ZP4: variants seen among roughly 807,000 people sequenced by gnomAD.
ZP4 encodes the protein zona pellucida sperm-binding protein 4.
Under a neutral mutation model 62.3 loss-of-function variants are expected in ZP4, and 62 were observed. The observed-to-expected ratio is 0.99, with a 90% CI of 0.81 to 1.23. ZP4 has a LOEUF of 1.23. Among genes scored for constraint, ZP4 ranks in the 50% most tolerant of loss-of-function variants. The probability of loss-of-function intolerance (pLI) is 0.00; values close to 1 mark genes in which losing one functional copy is unlikely to be tolerated. For synonymous variants in ZP4, 289 were observed against 247.3 expected (o/e 1.17, Z -1.58); for missense variants, 774 against 656.0 (o/e 1.18, Z -1.97).
chr1:237,886,914 T>G, intron 5 of ZP4, 46 bp from the exon 6 acceptor site: 2 of 1,547,768 alleles, frequency 1.3e-6, no homozygotes, highest in East Asian at 2.2e-5. Flanking sequence ...GTTAGTGTTA[T>G]GCTGCTTGAC....
At chr1:237,888,139 T>G (rs1039797135) in intron 4 of ZP4, among the ~76,000 whole-genome samples, 1 of 152,230 alleles carries the variant, frequency 6.6e-6, no homozygotes, top group African/African-American at 2.4e-5. Context: ...GCACATAGCC[T>G]TCAAGTCTGA....
Position 237,888,412 on chromosome 1 carries a change from G to GC in ZP4, c.498dup (p.Leu167AlafsTer6), listed in dbSNP as rs746562450. 1.9e-6 allele frequency: 3 copies of GC among 1,610,930 alleles called. No homozygotes were observed. The highest frequency in any genetic ancestry group is 1.3e-5 in the African/African-American group (1 of 74,880). ...TCTTCAGAGCTATAACAACAGCCTA[G>GC]CCCTTCACAGTCTCCTCGAGAGATG... is the stretch of plus-strand genomic sequence containing the variant. On this transcript the variant is annotated frameshift_variant, in exon 4 of 12. Transcript: ENST00000366570. LOFTEE classifies it high-confidence loss of function.
intron 11 of ZP4, 44 bp downstream of exon 11, chr1:237,882,698 T>C: frequency 1.2e-6 from 2 of 1,602,938 alleles, no homozygotes; most frequent in Non-Finnish European, 1.7e-6. Context: ...CTTTGATTAG[T>C]AATTTAGTTC....
At chr1:237,885,026 G>C in intron 9 of ZP4, 139 bp downstream of exon 9, 7 of 1,295,680 alleles carry the variant, frequency 5.4e-6, no homozygotes, top group Non-Finnish European at 7.5e-6. Flanking sequence ...CATGTAATTA[G>C]TAACAAGGGT....
chr1:237,888,336 A>G, intron 4 of ZP4, 22 bp downstream of exon 4: 1 of 1,542,942 alleles, frequency 6.5e-7, no homozygotes, highest in East Asian at 2.3e-5. Flanking sequence ...AGCTGGTTTC[A>G]GAGGTGTGCT....
chr1:237,887,669 A>AC, intron 4 of ZP4, 108 bp from the exon 5 acceptor site: 1 of 1,181,380 alleles, frequency 8.5e-7, no homozygotes, highest in Non-Finnish European at 1.2e-6. Context: ...GAAGCTGGTG[A>AC]CAACTTCCCA....
Position 237,889,982 on chromosome 1 carries a change from G to T in ZP4, c.298-13C>A, listed in dbSNP as rs762612377. The T allele has an allele frequency of 1.2e-6, 2 of 1,613,992 alleles. No individual in the cohort carries two copies. The highest frequency in any genetic ancestry group is 3.3e-5 in the Admixed American group (2 of 60,002). ...TGTAGTGGGAGTCCTGGAGAGACAG[G>T]CCCTTGGGGGTCAGCCTGGATGGTA... On this transcript the variant is annotated splice_polypyrimidine_tract_variant and intron_variant, in intron 2 of 11. Coordinates refer to ENST00000366570, the MANE Select transcript of ZP4 (RefSeq NM_021186.5).
Position 237,885,139 on chromosome 1 carries a change from G to A in ZP4, c.1311+26C>T, listed in dbSNP as rs1482977077. On this transcript the variant is annotated intron_variant, in intron 9 of 11. Coordinates refer to ENST00000366570, the MANE Select transcript of ZP4 (RefSeq NM_021186.5). Reference sequence around the variant, plus strand: ...AGTTGGGGAGGTTCAGAGCCCTGGTGAGTGTCATGGAAGGGAACATCCTAC... The same window carrying A: ...AGTTGGGGAGGTTCAGAGCCCTGGTAAGTGTCATGGAAGGGAACATCCTAC... 7 of 1,609,024 alleles carry A rather than the reference G, an allele frequency of 4.4e-6. No individual in the cohort carries two copies. The Admixed American group carries it at 1.2e-4, about 27-fold the overall frequency.
chr1:237,884,043 A>ACACACAC (rs1558531257), intron 10 of ZP4, among the ~76,000 whole-genome samples: 3 of 104,822 alleles, frequency 2.9e-5, no homozygotes, highest in African/African-American at 1.7e-4. Context: ...AACACACACA[A>ACACACAC]ACACACACAA....
In ZP4 at chr1:237,885,434, T is replaced by C. The variant is rs1008993084; in HGVS notation, c.1117A>G (p.Thr373Ala). ...CACTGTGGCTGACTCAGGGGGTCAG[T>C]GCTGGGTGTTGCCCAACACTGTTGT... The part of the protein sequence containing the change: ...LLQQCWATPS[T>A]DPLSQPQWPI... The change falls in exon 8 of 12, where the codon ACT (threonine) becomes GCT (alanine). Residue 373 changes from threonine to alanine, a missense_variant. Coordinates refer to ENST00000366570, the MANE Select transcript of ZP4 (RefSeq NM_021186.5). 3 of 1,613,870 alleles carry C rather than the reference T, an allele frequency of 1.9e-6. No homozygotes were observed. The highest frequency in any genetic ancestry group is 3.3e-4 in the Middle Eastern group (2 of 6,060).
Position 237,885,828 on chromosome 1 carries a change from C to A in ZP4, c.898G>T (p.Val300Phe). The change falls in exon 7 of 12, where the codon GTT (valine) becomes TTT (phenylalanine). Residue 300 changes from valine (V) to phenylalanine (F), a missense_variant. Val to Phe is a conservative substitution (Grantham distance 50, BLOSUM62 -1). Coordinates refer to ENST00000366570, the MANE Select transcript of ZP4 (RefSeq NM_021186.5). ...GGAAAGGGTGGTGGGAGAGTGAAAA[C>A]CTGGACATTGATTGGGAGAGAGTTG... Reference protein sequence around the residue: ...SSNSLPINVQVFTLPPPFPET... With the variant: ...SSNSLPINVQFFTLPPPFPET... The A allele has an allele frequency of 6.2e-7, 1 of 1,614,102 alleles. No homozygotes were observed.
Position 237,882,827 on chromosome 1 carries a change from G to T in ZP4, c.1410C>A (p.Asn470Lys), listed in dbSNP as rs536140661. ...PDLSRRRNFDNSSQNTTASVS... is the reference protein window; with the variant it reads ...PDLSRRRNFDKSSQNTTASVS... ...CACTAGCAGTAGTGTTCTGAGAACT[G>T]TTGTCAAAATTTCTTCTTCCTGTTA... Residue 470 changes from asparagine to lysine, a missense_variant, in exon 11 of 12, where the codon AAC (asparagine) becomes AAA (lysine). Transcript: ENST00000366570. The T allele has an allele frequency of 4.3e-6, 7 of 1,613,432 alleles. No individual in the cohort carries two copies. Among genetic ancestry groups the T allele is most frequent in the Non-Finnish European group, 5.1e-6 (6 of 1,179,860 alleles).
At chr1:237,884,014 AC>A (rs1558531019) in intron 10 of ZP4, among the ~76,000 whole-genome samples, 1,049 of 78,270 alleles carry the variant, frequency 0.013, 14 homozygotes, top group Non-Finnish European at 0.019. Flanking sequence ...ACACACACAC[AC>A]AAACACACAC....
chr1:237,889,820 C>G (rs905861255), intron 3 of ZP4, 47 bp downstream of exon 3: 40 of 1,532,282 alleles, frequency 2.6e-5, no homozygotes, highest in Non-Finnish European at 3.4e-5. Flanking sequence ...ACTTTCACAC[C>G]CCACCCCCAC....
intron 10 of ZP4, among the ~76,000 whole-genome samples, chr1:237,884,463 C>A (rs1313402559): frequency 6.6e-6 from 1 of 152,162 alleles, no homozygotes; most frequent in African/African-American, 2.4e-5. Flanking sequence ...ACATGTTTCT[C>A]AACTATTCAG....
intron 4 of ZP4, among the ~76,000 whole-genome samples, 161 bp downstream of exon 4, chr1:237,888,197 T>C (rs957057082): frequency 6.6e-6 from 1 of 152,182 alleles, no homozygotes. Flanking sequence ...ACAGTGGGAG[T>C]TGTAGAAGTC....
rs1665197917 is a variant in ZP4 at position 237,889,909 on chromosome 1, C to T, written c.358G>A (p.Val120Ile). The T allele has an allele frequency of 3.7e-6, 6 of 1,604,612 alleles. No individual in the cohort carries two copies. Among genetic ancestry groups the T allele is most frequent in the Non-Finnish European group, 5.1e-6 (6 of 1,174,530 alleles). ...CACTTGAGCAGCTTCCTCTCTGTAA[C>T]CACCTTGTGTTCAGCCGCGCCTGCT... is the stretch of plus-strand genomic sequence containing the variant. ...EGAGAAEHKV[V>I]TERKLLKCPM... is the part of the protein sequence containing the mutation. The change falls in exon 3 of 12, where the codon GTT becomes ATT. Residue 120 changes from valine (V) to isoleucine (I), a missense_variant. Val to Ile is a conservative substitution (Grantham distance 29). Coordinates refer to ENST00000366570, the MANE Select transcript of ZP4 (RefSeq NM_021186.5).
Position 237,882,471 on chromosome 1 carries a change from T to A in ZP4, c.1574A>T (p.Tyr525Phe). The change falls in exon 12 of 12, where the codon TAC becomes TTC. Residue 525 changes from tyrosine (Y) to phenylalanine (F), a missense_variant. Coordinates refer to ENST00000366570, the MANE Select transcript of ZP4 (RefSeq NM_021186.5). ...ACTCTTCTGTTTCTTGACAGCCAAG[T>A]AGGATACTAACAAGGCTCCAAGGAT... ...TLILGALLVS[Y>F]LAVKKQKSCP... 6.2e-7 allele frequency: 1 copy of A among 1,610,152 alleles called. No individual in the cohort carries two copies. The highest frequency in any genetic ancestry group is 1.1e-5 in the South Asian group (1 of 90,464).
In ZP4 at chr1:237,882,409, A is replaced by G. The variant is rs2103013099; in HGVS notation, c.*13T>C. ...ATGAGAAGCTCAGCACAGGCTGGGA[A>G]TACACTCTGGTTTTATTGACACATT... On this transcript the variant is annotated 3_prime_UTR_variant, in exon 12 of 12. Coordinates refer to ENST00000366570, the MANE Select transcript of ZP4 (RefSeq NM_021186.5). The G allele has an allele frequency of 6.2e-7, 1 of 1,609,754 alleles. No homozygotes were observed. The highest frequency in any genetic ancestry group is 1.3e-5 in the African/African-American group (1 of 74,638).
Sources: allele counts gnomAD v4.1 joint callset (sites outside exome capture counted in the v4.1 genomes callset), GRCh38; gene constraint gnomAD v4.1.1; transcripts MANE v1.5; gene names NCBI Gene and HGNC (gene_info 2026-07-23, HGNC 2026-07-21).